HIBADH: variants seen among roughly 807,000 people sequenced by gnomAD.
HIBADH encodes 3-hydroxyisobutyrate dehydrogenase, mitochondrial.
Under a neutral mutation model 36.1 loss-of-function variants are expected in HIBADH, and 25 were observed. The observed-to-expected ratio is 0.69, with a 90% confidence interval of 0.50 to 0.97. The LOEUF (loss-of-function observed/expected upper bound fraction) is 0.97, where lower values mean the gene tolerates loss of function less well. Ranked by LOEUF, HIBADH falls within the 50% of genes least tolerant of loss-of-function variation. HIBADH has a pLI of 0.00. For synonymous variants in HIBADH, 160 were observed against 149.5 expected (o/e 1.07, Z -0.51); for missense variants, 421 against 418.0 (o/e 1.01, Z -0.06).
At chr7:27,654,395 C>G in intron 1 of HIBADH, among the ~76,000 whole-genome samples, 1 of 151,892 alleles carries the variant, frequency 6.6e-6, no homozygotes, top group Non-Finnish European at 1.5e-5. Flanking sequence ...CTCTATGAAC[C>G]CCAATACAAG....
At chr7:27,642,748 T>A (rs1366359573) in intron 2 of HIBADH, among the ~76,000 whole-genome samples, 1 of 142,572 alleles carries the variant, frequency 7.0e-6, no homozygotes, top group Non-Finnish European at 1.5e-5. Context: ...GCCTCCCGGG[T>A]TCACGCCATT....
At chr7:27,541,844 AAAG>A in intron 5 of HIBADH, 1 of 349,006 alleles carries the variant, frequency 2.9e-6, no homozygotes, top group Non-Finnish European at 5.5e-6. Flanking sequence ...CCACTCACAC[AAAG>A]ATGATTAGTG....
intron 2 of HIBADH, among the ~76,000 whole-genome samples, chr7:27,637,157 A>G (rs1234792066): frequency 6.6e-6 from 1 of 152,192 alleles, no homozygotes; most frequent in African/African-American, 2.4e-5. Flanking sequence ...TCTATGTGCC[A>G]GGTTCTTTTG....
At chr7:27,580,461 A>C (rs139843221) in intron 4 of HIBADH, among the ~76,000 whole-genome samples, 1 of 152,336 alleles carries the variant, frequency 6.6e-6, no homozygotes, top group African/African-American at 2.4e-5. Flanking sequence ...ATGCTAGGAA[A>C]AGTTTTCAGG....
chr7:27,551,738 C>T (rs1333414550), intron 4 of HIBADH, among the ~76,000 whole-genome samples: 1 of 152,192 alleles, frequency 6.6e-6, no homozygotes, highest in Admixed American at 6.5e-5. Context: ...GTCTTTAATA[C>T]TGTAAAAACA....
intron 1 of HIBADH, among the ~76,000 whole-genome samples, chr7:27,661,627 G>A (rs533713737): frequency 1.3e-5 from 2 of 150,056 alleles, no homozygotes; most frequent in South Asian, 4.2e-4. Context: ...GGGCCAAGGG[G>A]CTCAAATCCT....
chr7:27,612,757 G>A (rs1186168132), intron 4 of HIBADH, among the ~76,000 whole-genome samples: 3 of 149,696 alleles, frequency 2.0e-5, no homozygotes, highest in African/African-American at 7.3e-5. Flanking sequence ...AGCACAGCCA[G>A]ACCCCATCAC....
Position 27,590,166 on chromosome 7 carries a change from C to T in HIBADH, c.484+39205G>A, listed in dbSNP as rs557864155. ...GCCCACTCCAAGAGATTCAATGGTA[C>T]ATCATTTCATTTAAGTCTCAAAATA... On this transcript the variant is annotated intron_variant, in intron 4 of 7. Coordinates refer to ENST00000265395, the MANE Select transcript of HIBADH (RefSeq NM_152740.4). Among the ~76,000 whole-genome samples the T allele has an allele frequency of 2.6e-5, 4 of 152,258 alleles. No homozygotes were observed. In the East Asian group the frequency reaches 5.8e-4, roughly 22 times the overall value.
Position 27,538,322 on chromosome 7 carries a change from AACGT to A in HIBADH, c.695+15_695+18del. ...AAGCCTATAAAAATGTTAGTATAAA[AACGT>A]ACTATTCAACAAACCTGATTCCAAG... On this transcript the variant is annotated intron_variant, in intron 6 of 7. Coordinates refer to ENST00000265395, the MANE Select transcript of HIBADH (RefSeq NM_152740.4). The A allele has an allele frequency of 1.3e-6, 2 of 1,585,650 alleles. No individual in the cohort carries two copies. Among genetic ancestry groups the A allele is most frequent in the South Asian group, 2.2e-5 (2 of 90,306 alleles).
intron 4 of HIBADH, among the ~76,000 whole-genome samples, chr7:27,562,130 T>G (rs1784476616): frequency 6.6e-6 from 1 of 152,118 alleles, no homozygotes; most frequent in Admixed American, 6.5e-5. Context: ...TTTTCCTCTA[T>G]GTGATTTTTA....
At chr7:27,527,592 T>TTGAAGG (rs1783922685) in intron 7 of HIBADH, among the ~76,000 whole-genome samples, 1 of 152,178 alleles carries the variant, frequency 6.6e-6, no homozygotes, top group African/African-American at 2.4e-5. Context: ...ATTTTAATAA[T>TTGAAGG]TGAAGGTTTG....
At chr7:27,635,806 G>A (rs1321390797) in intron 2 of HIBADH, among the ~76,000 whole-genome samples, 2 of 152,174 alleles carry the variant, frequency 1.3e-5, no homozygotes, top group African/African-American at 4.8e-5. Context: ...CAGATCTCCT[G>A]CTAATTCCAA....
intron 4 of HIBADH, among the ~76,000 whole-genome samples, chr7:27,546,021 TCA>T (rs1784231352): frequency 1.3e-5 from 2 of 152,236 alleles, no homozygotes; most frequent in Non-Finnish European, 2.9e-5. Context: ...CTTCTGAGTC[TCA>T]GTGTATAAAA....
At chr7:27,637,124 T>C (rs1785854010) in intron 2 of HIBADH, among the ~76,000 whole-genome samples, 1 of 152,172 alleles carries the variant, frequency 6.6e-6, no homozygotes, top group Admixed American at 6.6e-5. Context: ...GTAATAGTAG[T>C]AGCAGCAGCA....
intron 4 of HIBADH, among the ~76,000 whole-genome samples, chr7:27,560,129 T>C (rs1784444508): frequency 6.6e-6 from 1 of 152,214 alleles, no homozygotes; most frequent in Non-Finnish European, 1.5e-5. Flanking sequence ...ATTTCTATTA[T>C]TATTATTTTG....
intron 3 of HIBADH, 114 bp from the exon 4 acceptor site, chr7:27,629,606 GT>G: frequency 1.6e-6 from 1 of 628,736 alleles, no homozygotes; most frequent in Non-Finnish European, 2.4e-6. Flanking sequence ...GAGGATTTTA[GT>G]TTAGTATTAA....
chr7:27,567,905 T>A (rs1267179736), intron 4 of HIBADH, among the ~76,000 whole-genome samples: 3 of 152,164 alleles, frequency 2.0e-5, no homozygotes, highest in Non-Finnish European at 4.4e-5. Flanking sequence ...CCATATGCAT[T>A]CAGTACACTC....
At chr7:27,660,478 A>T (rs1178346641) in intron 1 of HIBADH, among the ~76,000 whole-genome samples, 9 of 152,326 alleles carry the variant, frequency 5.9e-5, no homozygotes, top group African/African-American at 2.2e-4. Flanking sequence ...CCTGGCTAAC[A>T]TGGTGAAACC....
At chr7:27,628,752 C>T (rs917505920) in intron 4 of HIBADH, among the ~76,000 whole-genome samples, 4 of 152,040 alleles carry the variant, frequency 2.6e-5, no homozygotes, top group Admixed American at 2.6e-4. Flanking sequence ...TGGTTGGATT[C>T]AGTTTGCTAA....
Sources: gnomAD v4.1 joint callset for allele counts (sites outside exome capture counted in the v4.1 genomes callset) on GRCh38, gnomAD v4.1.1 for gene constraint, MANE v1.5 for transcripts, NCBI Gene and HGNC (gene_info 2026-07-23, HGNC 2026-07-21) for gene names.